COL4A2: variants seen among roughly 807,000 people sequenced by gnomAD.
The protein encoded by COL4A2 is collagen alpha-2(IV) chain.
A neutral mutation model predicts 200.2 loss-of-function variants in COL4A2; 99 were observed. The ratio of observed to expected loss-of-function variants is 0.49; its 90% CI spans 0.42 to 0.58. The LOEUF (loss-of-function observed/expected upper bound fraction) is 0.58, where lower values mean the gene tolerates loss of function less well. Among genes scored for constraint, COL4A2 ranks in the 20% least tolerant of loss-of-function variants. The pLI is 0.00. For missense variants in COL4A2, 1,950 were observed against 2,314.1 expected, an observed-to-expected ratio of 0.84 and a Z score of 3.23; for synonymous variants, 897 against 900.6, an observed-to-expected ratio of 1.00 and a Z score of 0.07.
chr13:110,457,638 C>G, intron 21 of COL4A2: 1 of 683,298 alleles, frequency 1.5e-6, no homozygotes, highest in Non-Finnish European at 2.8e-6. Flanking sequence ...ACTCGGCCCC[C>G]AGGCTCACCG....
At chr13:110,452,039 C>T (rs4351919) in intron 20 of COL4A2, among the ~76,000 whole-genome samples, 79,709 of 152,170 alleles carry the variant, frequency 0.52, 20,991 homozygotes, top group Admixed American at 0.58. Context: ...TAATCTCTTA[C>T]AGCCTCCTAC....
At chr13:110,418,196 T>A (rs1880118318) in intron 4 of COL4A2, among the ~76,000 whole-genome samples, 1 of 152,230 alleles carries the variant, frequency 6.6e-6, no homozygotes. Context: ...GCTCAAATCT[T>A]TTGCCAAATT....
intron 36 of COL4A2, among the ~76,000 whole-genome samples, chr13:110,490,504 G>A (rs1883253052): frequency 6.6e-6 from 1 of 152,176 alleles, no homozygotes. Context: ...AAATTGCTCT[G>A]GAATGGAAAG....
intron 3 of COL4A2, among the ~76,000 whole-genome samples, chr13:110,344,375 T>C (rs1244244263): frequency 1.3e-5 from 2 of 152,226 alleles, no homozygotes; most frequent in African/African-American, 4.8e-5. Flanking sequence ...TTATTAGTTA[T>C]TTGACGACAA....
Position 110,450,259 on chromosome 13 carries a change from G to C in COL4A2, c.1190-46G>C, listed in dbSNP as rs199616018. ...TGGACACGAACACAAAGGCAGCGGT[G>C]TGGTATGGGAGACTCACGCTGCAGG... On this transcript the variant is annotated intron_variant, in intron 19 of 47. Transcript: ENST00000360467. 5 of 1,567,520 alleles carry C rather than the reference G, an allele frequency of 3.2e-6. No homozygotes were observed. In the Admixed American group the frequency reaches 5.1e-5, roughly 16 times the overall value.
chr13:110,486,299 T>C (rs1382767519), intron 34 of COL4A2, among the ~76,000 whole-genome samples: 4 of 152,190 alleles, frequency 2.6e-5, no homozygotes, highest in Non-Finnish European at 5.9e-5. Flanking sequence ...CCAGACACGC[T>C]GTTGTGATGG....
chr13:110,436,475 C>T (rs1266520676), intron 13 of COL4A2, 108 bp downstream of exon 13: 1 of 1,410,170 alleles, frequency 7.1e-7, no homozygotes, highest in Non-Finnish European at 9.4e-7. Flanking sequence ...AGCCTCACCA[C>T]CAACTTGGCA....
At chr13:110,364,099 G>C (rs1351500963) in intron 4 of COL4A2, among the ~76,000 whole-genome samples, 3 of 152,224 alleles carry the variant, frequency 2.0e-5, no homozygotes, top group Non-Finnish European at 4.4e-5. Context: ...TTTCCAGACA[G>C]ATACTTTTAA....
At chr13:110,404,266 C>T (rs1007049086) in intron 4 of COL4A2, among the ~76,000 whole-genome samples, 1 of 152,200 alleles carries the variant, frequency 6.6e-6, no homozygotes, top group African/African-American at 2.4e-5. Flanking sequence ...CTTTCTGGGT[C>T]AATTGAGCTG....
chr13:110,425,201 G>C (rs1359206437), intron 6 of COL4A2, among the ~76,000 whole-genome samples: 1 of 152,168 alleles, frequency 6.6e-6, no homozygotes, highest in African/African-American at 2.4e-5. Context: ...TTATAGACTT[G>C]GCTTCAGAAT....
At chr13:110,360,455 G>A (rs375840741) in intron 4 of COL4A2, among the ~76,000 whole-genome samples, 25 of 152,274 alleles carry the variant, frequency 1.6e-4, no homozygotes, top group Admixed American at 8.5e-4. Context: ...ACTGTTACAC[G>A]ATGCCAGAGG....
chr13:110,471,883 A>G (rs1882482029), intron 28 of COL4A2, among the ~76,000 whole-genome samples: 1 of 152,096 alleles, frequency 6.6e-6, no homozygotes, highest in Non-Finnish European at 1.5e-5. Flanking sequence ...TCATCGTTGC[A>G]GGCTTCTCTC....
At chr13:110,395,776 C>T (rs1036581351) in intron 4 of COL4A2, among the ~76,000 whole-genome samples, 5 of 152,136 alleles carry the variant, frequency 3.3e-5, no homozygotes, top group African/African-American at 9.7e-5. Context: ...GAAACTCCGT[C>T]TCTGCTAAAA....
chr13:110,352,118 A>G (rs1323038696), intron 3 of COL4A2, among the ~76,000 whole-genome samples: 1 of 152,226 alleles, frequency 6.6e-6, no homozygotes, highest in East Asian at 1.9e-4. Context: ...GATGATGACG[A>G]TGATGATGGC....
chr13:110,458,767 G>T lies in COL4A2; in HGVS notation c.1433-4G>T. 6.2e-7 allele frequency: 1 copy of T among 1,613,972 alleles called. No individual in the cohort carries two copies. Among genetic ancestry groups the T allele is most frequent in the Non-Finnish European group, 8.5e-7 (1 of 1,179,942 alleles). ...AAGGAGGCCCTCCTCTCCCTCCTCTGCAGGTGACGCTGGGGAATGCAGATG... is the reference window on the plus strand; with the variant it reads ...AAGGAGGCCCTCCTCTCCCTCCTCTTCAGGTGACGCTGGGGAATGCAGATG... On this transcript the variant is annotated splice_polypyrimidine_tract_variant and splice_region_variant and intron_variant, in intron 21 of 47. Coordinates refer to ENST00000360467, the MANE Select transcript of COL4A2 (RefSeq NM_001846.4).
intron 47 of COL4A2, among the ~76,000 whole-genome samples, chr13:110,509,555 G>A (rs1339456798): frequency 6.6e-6 from 1 of 152,066 alleles, no homozygotes; most frequent in East Asian, 1.9e-4. Context: ...GTGCCCCTGT[G>A]TCAGGAAGTA....
At chr13:110,466,831 A>AT (rs1192495479) in intron 26 of COL4A2, among the ~76,000 whole-genome samples, 7 of 152,162 alleles carry the variant, frequency 4.6e-5, no homozygotes, top group Admixed American at 2.0e-4. Context: ...CTTAGTTTGC[A>AT]TTTTATACGA....
chr13:110,393,768 A>G (rs1432060828), intron 4 of COL4A2, among the ~76,000 whole-genome samples: 1 of 152,134 alleles, frequency 6.6e-6, no homozygotes, highest in Non-Finnish European at 1.5e-5. Flanking sequence ...AATCCCGGCT[A>G]CTCAGGAGGC....
chr13:110,468,490 G>A (rs182802110), intron 27 of COL4A2, among the ~76,000 whole-genome samples: 20 of 152,302 alleles, frequency 1.3e-4, no homozygotes, highest in Admixed American at 4.6e-4. Context: ...CCAGTGATGC[G>A]AGTGTGGGTT....
Sources: gnomAD v4.1 joint callset for allele counts (sites outside exome capture counted in the v4.1 genomes callset) on GRCh38, gnomAD v4.1.1 for gene constraint, MANE v1.5 for transcripts, NCBI Gene and HGNC (gene_info 2026-07-23, HGNC 2026-07-21) for gene names.